STAB2: variants seen among roughly 807,000 people sequenced by gnomAD.
STAB2 encodes the protein stabilin 2, also known as stabilin-2.
In STAB2, 288 loss-of-function variants were observed where a neutral mutation model predicts 338.1. That is an observed-to-expected ratio of 0.85 (90% confidence interval 0.77 to 0.94). The LOEUF is 0.94. STAB2 is among the 40% of genes least tolerant of loss of function. STAB2 has a pLI of 0.00. For missense variants in STAB2, 3,141 were observed against 3,210.1 expected (o/e 0.98, Z 0.52); for synonymous variants, 1,202 against 1,193.3 (o/e 1.01, Z -0.15).
chr12:103,664,970 C>T (rs1193666755), intron 18 of STAB2, among the ~76,000 whole-genome samples: 3 of 152,138 alleles, frequency 2.0e-5, no homozygotes, highest in African/African-American at 7.2e-5. Context: ...ATCACCTGTT[C>T]GATTTCAGAT....
At chr12:103,704,335 C>G (rs537443593) in intron 35 of STAB2, among the ~76,000 whole-genome samples, 25 of 152,264 alleles carry the variant, frequency 1.6e-4, no homozygotes, top group Admixed American at 6.5e-5. Context: ...GAGATAAGGT[C>G]ACACTTTAAA....
In STAB2 at chr12:103,620,520, A is replaced by C; in HGVS notation, c.384A>C (p.Glu128Asp). 1 of 1,579,778 alleles carries C rather than the reference A, an allele frequency of 6.3e-7. No homozygotes were observed. The highest frequency in any genetic ancestry group is 8.6e-7 in the Non-Finnish European group (1 of 1,161,322). ...SPCNGRGSCA[E>D]GMEGNGTCSC... Reference sequence around the variant, plus strand: ...GCAATGGCAGAGGCAGTTGTGCTGAAGGCATGGAAGGAAATGGAACCTGCT... The same window carrying C: ...GCAATGGCAGAGGCAGTTGTGCTGACGGCATGGAAGGAAATGGAACCTGCT... The change falls in exon 4 of 69, where the codon GAA becomes GAC. Residue 128 changes from glutamate to aspartate, a missense_variant. Coordinates refer to ENST00000388887, the MANE Select transcript of STAB2 (RefSeq NM_017564.10).
chr12:103,631,757 A>G, intron 6 of STAB2, 64 bp downstream of exon 6: 4 of 1,506,884 alleles, frequency 2.7e-6, no homozygotes, highest in Non-Finnish European at 3.7e-6. Flanking sequence ...ATGCATTTCA[A>G]TTTTGTATCT....
chr12:103,596,132 C>T (rs184545600), intron 3 of STAB2, among the ~76,000 whole-genome samples: 50 of 152,316 alleles, frequency 3.3e-4, no homozygotes, highest in African/African-American at 1.2e-3. Context: ...AAGCAATTAA[C>T]TCCGACTTCC....
chr12:103,688,360 G>A (rs75994768), intron 28 of STAB2, 145 bp downstream of exon 28: 1 of 741,840 alleles, frequency 1.3e-6, no homozygotes, highest in Non-Finnish European at 2.3e-6. Context: ...CTGCACTGTG[G>A]AACCACATGG....
chr12:103,736,163 C>G (rs904232785), intron 52 of STAB2, among the ~76,000 whole-genome samples: 4 of 152,168 alleles, frequency 2.6e-5, no homozygotes, highest in Non-Finnish European at 4.4e-5. Flanking sequence ...AGGATTTATT[C>G]TCTTTCATAA....
chr12:103,710,490 C>T (rs1879754354), intron 39 of STAB2, among the ~76,000 whole-genome samples: 1 of 152,242 alleles, frequency 6.6e-6, no homozygotes, highest in Non-Finnish European at 1.5e-5. Flanking sequence ...ATGACACTCC[C>T]TCCCTCTGTG....
intron 16 of STAB2, 67 bp downstream of exon 16, chr12:103,660,451 C>T (rs1874512782): frequency 1.3e-6 from 2 of 1,568,042 alleles, no homozygotes; most frequent in Non-Finnish European, 8.8e-7. Flanking sequence ...GTCTTGAATT[C>T]CAATATTTTG....
chr12:103,650,550 C>T lies in STAB2; in HGVS notation c.1229C>T (p.Pro410Leu). 1 of 1,613,184 alleles carries T rather than the reference C, an allele frequency of 6.2e-7. No homozygotes were observed. Among genetic ancestry groups the T allele is most frequent in the Non-Finnish European group, 8.5e-7 (1 of 1,179,298 alleles). ...CTGGGACCCTTCACGGTGCTGTTAC[C>T]TACAGACAAGGGACTGAAAGGATTC... ...SKLGPFTVLL[P>L]TDKGLKGFNV... The change falls in exon 11 of 69, where the codon CCT (proline) becomes CTT (leucine). Residue 410 changes from proline to leucine, a missense_variant. Pro to Leu is a moderately conservative substitution (Grantham distance 98). Coordinates refer to ENST00000388887, the MANE Select transcript of STAB2 (RefSeq NM_017564.10).
At chr12:103,733,777 ACATATATGATCATATAGGAG>A (rs1398684608) in intron 51 of STAB2, among the ~76,000 whole-genome samples, 1 of 152,036 alleles carries the variant, frequency 6.6e-6, no homozygotes, top group Non-Finnish European at 1.5e-5. Context: ...TCATATAGGA[ACATATATGATCATATAGGAG>A]CAAGCATCAT....
intron 5 of STAB2, among the ~76,000 whole-genome samples, chr12:103,625,784 G>A (rs539384327): frequency 6.6e-6 from 1 of 152,290 alleles, no homozygotes; most frequent in African/African-American, 2.4e-5. Flanking sequence ...TTGGTTCCGA[G>A]TCTTTGCTAT....
At chr12:103,689,483 AAAAAAAAAAAG>A (rs1877732325) in intron 28 of STAB2, among the ~76,000 whole-genome samples, 1 of 124,648 alleles carries the variant, frequency 8.0e-6, no homozygotes, top group African/African-American at 2.7e-5. Flanking sequence ...ACTCCATCTC[AAAAAAAAAAAG>A]AAAAAAAAAA....
chr12:103,675,519 T>C (rs1452953153), intron 23 of STAB2, among the ~76,000 whole-genome samples: 3 of 152,254 alleles, frequency 2.0e-5, no homozygotes, highest in Non-Finnish European at 4.4e-5. Context: ...CAGGAAGAGT[T>C]ATAAAAAGGC....
Position 103,640,127 on chromosome 12 carries a change from A to G in STAB2, c.911A>G (p.His304Arg). 6.2e-7 allele frequency: 1 copy of G among 1,611,750 alleles called. No individual in the cohort carries two copies. Among genetic ancestry groups the G allele is most frequent in the Non-Finnish European group, 8.5e-7 (1 of 1,178,468 alleles). ...TTCTCTTCCTGTCTACTGAAGTCTC[A>G]CTGCGAGTGTAAGGAGCATTACCAG... ...VCKYDGPGQS[H>R]CECKEHYQNF... The change falls in exon 9 of 69, where the codon CAC (histidine) becomes CGC (arginine). Residue 304 changes from histidine to arginine, a missense_variant. Coordinates refer to ENST00000388887, the MANE Select transcript of STAB2 (RefSeq NM_017564.10).
intron 68 of STAB2, among the ~76,000 whole-genome samples, chr12:103,764,351 T>TTTGATGAGGCCTTATAGTA (rs1884763996): frequency 6.6e-6 from 1 of 152,226 alleles, no homozygotes; most frequent in Admixed American, 6.5e-5. Flanking sequence ...GCTACTTTTC[T>TTTGATGAGGCCTTATAGTA]TTGATGAGGC....
chr12:103,606,849 T>C (rs1482197449), intron 3 of STAB2, among the ~76,000 whole-genome samples: 1 of 152,124 alleles, frequency 6.6e-6, no homozygotes, highest in Non-Finnish European at 1.5e-5. Flanking sequence ...CTGGGCGTGG[T>C]GGCACACACC....
chr12:103,666,168 G>T (rs932963516), intron 18 of STAB2, 123 bp from the exon 19 acceptor site: 5 of 928,734 alleles, frequency 5.4e-6, no homozygotes, highest in African/African-American at 4.8e-5. Context: ...GGGTAGAGAG[G>T]CCAGGATCAT....
intron 29 of STAB2, 145 bp from the exon 30 acceptor site, chr12:103,690,279 T>C: frequency 1.3e-6 from 1 of 760,226 alleles, no homozygotes; most frequent in South Asian, 1.9e-5. Flanking sequence ...GTTGAGTAAC[T>C]AACTCTAGCC....
chr12:103,625,311 T>G (rs1451512381), intron 5 of STAB2, among the ~76,000 whole-genome samples: 1 of 152,184 alleles, frequency 6.6e-6, no homozygotes, highest in Non-Finnish European at 1.5e-5. Context: ...CCTTCACACT[T>G]AGTGTTGTGG....
Sources: allele counts gnomAD v4.1 joint callset (sites outside exome capture counted in the v4.1 genomes callset), GRCh38; gene constraint gnomAD v4.1.1; transcripts MANE v1.5; gene names NCBI Gene and HGNC (gene_info 2026-07-23, HGNC 2026-07-21).